The following COLEC10 variants were observed in gnomAD, a reference collection of about 807,000 sequenced individuals.
The protein encoded by COLEC10 is collectin subfamily member 10.
In COLEC10, 22 loss-of-function variants were observed where a neutral mutation model predicts 28.4. The ratio of observed to expected loss-of-function variants is 0.78; its 90% CI spans 0.55 to 1.11. The LOEUF is 1.11. COLEC10 is among the 50% of genes least tolerant of loss of function. COLEC10 has a pLI of 0.00. For missense variants in COLEC10, 361 were observed against 344.1 expected (o/e 1.05, Z -0.39); for synonymous variants, 125 against 116.1 (o/e 1.08, Z -0.49).
At chr8:119,040,038 A>C (rs192047970) in intron 2 of COLEC10, among the ~76,000 whole-genome samples, 38 of 152,292 alleles carry the variant, frequency 2.5e-4, no homozygotes, top group Admixed American at 4.6e-4. Flanking sequence ...TATCCCAAGA[A>C]TGTTACCCTT....
chr8:119,082,233 T>C (rs918523580), intron 1 of COLEC10, among the ~76,000 whole-genome samples: 4 of 152,132 alleles, frequency 2.6e-5, no homozygotes, highest in Non-Finnish European at 5.9e-5. Flanking sequence ...GGTGTGTGTA[T>C]TTGCCACCTG....
intron 2 of COLEC10, among the ~76,000 whole-genome samples, chr8:119,031,720 TCTGA>T: frequency 1.3e-5 from 2 of 152,302 alleles, no homozygotes; most frequent in Middle Eastern, 3.4e-3. Flanking sequence ...ATAATTCTTT[TCTGA>T]TTGTGTTAAA....
rs887078557 is a variant in COLEC10, at chr8:119,011,789, T to C, written n.235+2236T>C. ...TGGCATATAGAAAACTGATTGACTT[T>C]TGTGCATTTACCTCATATCCTTGCA... On this transcript the variant is annotated intron_variant and non_coding_transcript_variant, in intron 2 of 6. Transcript: ENST00000521788. 6.0e-5 allele frequency among the ~76,000 whole-genome samples: 9 copies of C among 150,954 alleles called. 1 individual carries two copies. The highest frequency in any genetic ancestry group is 2.2e-4 in the African/African-American group (9 of 40,474).
upstream of COLEC10, among the ~76,000 whole-genome samples, chr8:118,992,879 C>T (rs1236587795): frequency 6.6e-6 from 1 of 152,062 alleles, no homozygotes; most frequent in Non-Finnish European, 1.5e-5. Context: ...TCTGGAAGCA[C>T]TCTAGGTTTT....
At chr8:118,954,286 C>T in the COLEC10 span, among the ~76,000 whole-genome samples, 1 of 152,154 alleles carries the variant, frequency 6.6e-6, no homozygotes, top group East Asian at 1.9e-4. Context: ...TAACTGTGGG[C>T]CCTTTATTCA....
At chr8:118,977,587 C>T in the COLEC10 span, among the ~76,000 whole-genome samples, 25 of 123,688 alleles carry the variant, frequency 2.0e-4, no homozygotes, top group African/African-American at 8.0e-4. Flanking sequence ...ACATCACACT[C>T]TGTGGACTGT....
At chr8:119,019,306 T>C (rs955347362) in intron 2 of COLEC10, among the ~76,000 whole-genome samples, 1 of 152,124 alleles carries the variant, frequency 6.6e-6, no homozygotes, top group Non-Finnish European at 1.5e-5. Context: ...AAGCCTATGT[T>C]CTCTGTTGCC....
At chr8:119,092,892 TGA>T (rs1815638470) in intron 3 of COLEC10, among the ~76,000 whole-genome samples, 1 of 151,604 alleles carries the variant, frequency 6.6e-6, no homozygotes, top group Admixed American at 6.6e-5. Flanking sequence ...GGAGATAGAG[TGA>T]GATTCCATCT....
chr8:118,979,946 A>G, the COLEC10 span, among the ~76,000 whole-genome samples: 1 of 151,288 alleles, frequency 6.6e-6, no homozygotes. Context: ...TGATGGTCTC[A>G]GTTTCTTGTC....
intron 1 of COLEC10, among the ~76,000 whole-genome samples, chr8:119,079,422 C>A (rs1815324886): frequency 6.6e-6 from 1 of 152,186 alleles, no homozygotes; most frequent in African/African-American, 2.4e-5. Flanking sequence ...ATGCTCTTAA[C>A]AACTGCATTG....
At chr8:119,105,578 G>A (rs944482010) in intron 5 of COLEC10, among the ~76,000 whole-genome samples, 1 of 152,120 alleles carries the variant, frequency 6.6e-6, no homozygotes, top group African/African-American at 2.4e-5. Context: ...AGGTGTGTGA[G>A]AAGTTGAGGA....
chr8:118,964,374 G>A, the COLEC10 span, among the ~76,000 whole-genome samples: 1 of 152,144 alleles, frequency 6.6e-6, no homozygotes, highest in Non-Finnish European at 1.5e-5. Context: ...GTAGGCCTGG[G>A]TGGTAATTCC....
intron 2 of COLEC10, among the ~76,000 whole-genome samples, chr8:119,042,283 C>CCACT (rs1814513296): frequency 6.6e-6 from 1 of 152,148 alleles, no homozygotes; most frequent in African/African-American, 2.4e-5. Context: ...CAACCATGAG[C>CCACT]CACTGCACCC....
chr8:119,002,703 T>G (rs1813723918), intron 1 of COLEC10, among the ~76,000 whole-genome samples: 2 of 152,142 alleles, frequency 1.3e-5, no homozygotes, highest in South Asian at 4.1e-4. Context: ...AATTAAATTG[T>G]TTTACAAAAG....
the COLEC10 span, among the ~76,000 whole-genome samples, chr8:118,965,616 G>C: frequency 2.0e-5 from 3 of 151,932 alleles, no homozygotes; most frequent in African/African-American, 7.2e-5. Context: ...TGAGATGGTA[G>C]AGTCTGTCTG....
At chr8:119,086,428 CT>C (rs969686711) in intron 1 of COLEC10, among the ~76,000 whole-genome samples, 4 of 150,824 alleles carry the variant, frequency 2.7e-5, no homozygotes, top group African/African-American at 7.5e-5. Flanking sequence ...TTACATCTCC[CT>C]TCAGTTCTCA....
chr8:118,967,685 G>A, the COLEC10 span, among the ~76,000 whole-genome samples: 1 of 152,038 alleles, frequency 6.6e-6, no homozygotes, highest in Admixed American at 6.6e-5. Flanking sequence ...TGTTTTATTA[G>A]AAAATAACAT....
intron 2 of COLEC10, among the ~76,000 whole-genome samples, chr8:119,044,491 C>T (rs1008833157): frequency 4.6e-5 from 7 of 151,786 alleles, no homozygotes; most frequent in South Asian, 2.1e-4. Flanking sequence ...TATTTTTGCT[C>T]GTTTTTAACA....
At chr8:119,039,740 C>T (rs748478848) in intron 2 of COLEC10, among the ~76,000 whole-genome samples, 4 of 152,290 alleles carry the variant, frequency 2.6e-5, no homozygotes, top group Admixed American at 1.3e-4. Context: ...TTCTAGAAGG[C>T]TTGCATGTCC....
Sources: gnomAD v4.1 joint callset for allele counts (sites outside exome capture counted in the v4.1 genomes callset) on GRCh38, gnomAD v4.1.1 for gene constraint, MANE v1.5 for transcripts, NCBI Gene and HGNC (gene_info 2026-07-23, HGNC 2026-07-21) for gene names.